The following ALK variants were observed in gnomAD, a reference collection of about 807,000 sequenced individuals.
The protein encoded by ALK is ALK tyrosine kinase receptor.
A neutral mutation model predicts 163.1 loss-of-function variants in ALK; 74 were observed. The observed-to-expected ratio is 0.45, with a 90% CI of 0.38 to 0.55. ALK has a LOEUF of 0.55. Ranked by LOEUF, ALK falls within the 20% of genes least tolerant of loss-of-function variation. The pLI, the probability that ALK is intolerant of heterozygous loss-of-function variation, is 0.00. For missense variants in ALK, 2,063 were observed against 2,105.3 expected (o/e 0.98, Z 0.39); for synonymous variants, 960 against 843.2 (o/e 1.14, Z -2.40).
chr2:29,779,738 C>T (rs1443334492), intron 1 of ALK, among the ~76,000 whole-genome samples: 1 of 152,136 alleles, frequency 6.6e-6, no homozygotes, highest in Admixed American at 6.5e-5. Flanking sequence ...AAATATTGGG[C>T]TTTAAAAACC....
intron 1 of ALK, among the ~76,000 whole-genome samples, chr2:29,866,822 C>G (rs1666447985): frequency 6.6e-6 from 1 of 152,122 alleles, no homozygotes. Context: ...TTGGAAACTC[C>G]ACAATTCTGC....
At chr2:29,803,076 G>C (rs1369914676) in intron 1 of ALK, among the ~76,000 whole-genome samples, 1 of 152,194 alleles carries the variant, frequency 6.6e-6, no homozygotes, top group Admixed American at 6.5e-5. Context: ...TGTTATGCAA[G>C]TAAGGAATTG....
intron 3 of ALK, among the ~76,000 whole-genome samples, chr2:29,538,452 GC>G (rs1247815065): frequency 2.0e-4 from 31 of 152,284 alleles, no homozygotes; most frequent in African/African-American, 7.2e-4. Flanking sequence ...TATGTGACAT[GC>G]TGGCTCCTTG....
rs2148301842 is a variant in ALK, at chr2:29,383,878, A to G, written c.1155-19T>C. 1 of 1,604,220 alleles carries G rather than the reference A, an allele frequency of 6.2e-7. No homozygotes were observed. The highest frequency in any genetic ancestry group is 8.5e-7 in the Non-Finnish European group (1 of 1,179,752). On this transcript the variant is annotated intron_variant, in intron 4 of 28. Transcript: ENST00000389048. ...TGTCCAACTGGTTGCATTGGAAAAC[A>G]GAGGAGAAAAGCATAGAGAAACAGA...
intron 1 of ALK, among the ~76,000 whole-genome samples, chr2:29,843,934 G>T (rs1431976515): frequency 6.6e-6 from 1 of 152,100 alleles, no homozygotes; most frequent in Non-Finnish European, 1.5e-5. Flanking sequence ...AGTGGGGGAA[G>T]CCAGGCCTTA....
At chr2:29,375,885 G>C (rs1427848491) in intron 5 of ALK, among the ~76,000 whole-genome samples, 4 of 152,080 alleles carry the variant, frequency 2.6e-5, no homozygotes, top group African/African-American at 9.7e-5. Flanking sequence ...TGCCATCTTG[G>C]ACAAGCACCT....
At chr2:29,781,921 G>A (rs778630972) in intron 1 of ALK, among the ~76,000 whole-genome samples, 9 of 152,138 alleles carry the variant, frequency 5.9e-5, no homozygotes, top group Non-Finnish European at 1.2e-4. Flanking sequence ...CACAGTGGTC[G>A]CCCCGACAGC....
chr2:29,571,602 C>CTTTTTTTTTTTGTTTTTTTTTTTTTT (rs1674371663), intron 3 of ALK, among the ~76,000 whole-genome samples: 1 of 68,516 alleles, frequency 1.5e-5, no homozygotes, highest in Non-Finnish European at 2.6e-5. Context: ...TGGCTCATAT[C>CTTTTTTTTTTTGTTTTTTTTTTTTTT]TTTTTTTTTT....
At chr2:29,464,959 T>C (rs1671173108) in intron 4 of ALK, among the ~76,000 whole-genome samples, 1 of 152,278 alleles carries the variant, frequency 6.6e-6, no homozygotes, top group East Asian at 1.9e-4. Flanking sequence ...TCAGTGACAA[T>C]GTCAGTCGAA....
At chr2:29,534,869 C>T (rs1333398363) in intron 3 of ALK, among the ~76,000 whole-genome samples, 1 of 152,044 alleles carries the variant, frequency 6.6e-6, no homozygotes, top group Non-Finnish European at 1.5e-5. Flanking sequence ...TTTTCCAGTT[C>T]TAATATGTGA....
chr2:29,759,725 G>A (rs746299803), intron 1 of ALK, among the ~76,000 whole-genome samples: 8 of 152,148 alleles, frequency 5.3e-5, no homozygotes, highest in Non-Finnish European at 7.4e-5. Context: ...TGTAGCCAGC[G>A]AAACCCAGTA....
At chr2:29,206,253 C>CCTTT (rs939555848) in intron 26 of ALK, among the ~76,000 whole-genome samples, 1 of 151,158 alleles carries the variant, frequency 6.6e-6, no homozygotes, top group Non-Finnish European at 1.5e-5. Flanking sequence ...CTCTCCCCTC[C>CCTTT]CTTTCTTTCT....
chr2:29,787,976 T>A (rs2148355265), intron 1 of ALK, among the ~76,000 whole-genome samples: 1 of 152,308 alleles, frequency 6.6e-6, no homozygotes. Flanking sequence ...ATAGACATAG[T>A]CATGGAAATG....
intron 3 of ALK, among the ~76,000 whole-genome samples, chr2:29,571,208 G>C (rs1674358206): frequency 6.6e-6 from 1 of 152,170 alleles, no homozygotes; most frequent in East Asian, 1.9e-4. Context: ...TAAACTCTCA[G>C]GGGCACCTAG....
At chr2:29,534,739 A>G (rs1468490373) in intron 3 of ALK, among the ~76,000 whole-genome samples, 2 of 152,206 alleles carry the variant, frequency 1.3e-5, no homozygotes, top group East Asian at 3.9e-4. Flanking sequence ...GAGGTATTGG[A>G]CTAGGGGCTC....
chr2:29,779,746 A>C (rs1207345319), intron 1 of ALK, among the ~76,000 whole-genome samples: 1 of 152,218 alleles, frequency 6.6e-6, no homozygotes, highest in Non-Finnish European at 1.5e-5. Context: ...GGCTTTAAAA[A>C]CCAATCAAGT....
intron 3 of ALK, among the ~76,000 whole-genome samples, chr2:29,609,572 A>C (rs564744806): frequency 2.0e-5 from 3 of 152,308 alleles, no homozygotes; most frequent in Admixed American, 6.5e-5. Context: ...GCACCAATGC[A>C]GTGATCCCTG....
At chr2:29,750,915 C>T (rs151009964) in intron 1 of ALK, among the ~76,000 whole-genome samples, 4,797 of 150,212 alleles carry the variant, frequency 0.032, 106 homozygotes, top group South Asian at 0.061. Flanking sequence ...ACTAAAAATA[C>T]AAAAATTAGC....
chr2:29,434,982 G>T (rs1410431455), intron 4 of ALK, among the ~76,000 whole-genome samples: 1 of 152,136 alleles, frequency 6.6e-6, no homozygotes, highest in Non-Finnish European at 1.5e-5. Flanking sequence ...GAACTGATTT[G>T]CCCAAGGTTA....
Sources: gnomAD v4.1 joint callset for allele counts (sites outside exome capture counted in the v4.1 genomes callset) on GRCh38, gnomAD v4.1.1 for gene constraint, MANE v1.5 for transcripts, NCBI Gene and HGNC (gene_info 2026-07-23, HGNC 2026-07-21) for gene names.